The following NOL4 variants were observed in gnomAD, a reference collection of about 807,000 sequenced individuals.
NOL4 encodes nucleolar protein 4.
Under a neutral mutation model 75.9 loss-of-function variants are expected in NOL4, and 17 were observed. The observed-to-expected ratio is 0.22, with a 90% CI of 0.15 to 0.34. The LOEUF (loss-of-function observed/expected upper bound fraction) is 0.34, where lower values mean the gene tolerates loss of function less well. NOL4 is among the 10% of genes least tolerant of loss of function. NOL4 has a pLI of 1.00. For synonymous variants in NOL4, 292 were observed against 289.9 expected, an observed-to-expected ratio of 1.01 and a Z score of -0.07; for missense variants, 614 against 793.5, an observed-to-expected ratio of 0.77 and a Z score of 2.72.
chr18:33,985,756 A>G (rs1452329433), intron 6 of NOL4, among the ~76,000 whole-genome samples: 2 of 152,156 alleles, frequency 1.3e-5, no homozygotes, highest in Non-Finnish European at 2.9e-5. Context: ...AGTTTTATCC[A>G]TAATCTATCT....
intron 5 of NOL4, among the ~76,000 whole-genome samples, chr18:34,038,074 G>A (rs2075988356): frequency 6.6e-6 from 1 of 151,932 alleles, no homozygotes; most frequent in Non-Finnish European, 1.5e-5. Context: ...TTAAAAATTC[G>A]GCAAAGGACA....
intron 9 of NOL4, among the ~76,000 whole-genome samples, chr18:33,931,045 G>A (rs1391313585): frequency 6.6e-6 from 1 of 151,818 alleles, no homozygotes; most frequent in Admixed American, 6.6e-5. Flanking sequence ...CTAGGCTCTG[G>A]CAAATTAAAA....
At chr18:34,050,850 T>C (rs1336300769) in intron 5 of NOL4, among the ~76,000 whole-genome samples, 1 of 151,998 alleles carries the variant, frequency 6.6e-6, no homozygotes, top group East Asian at 1.9e-4. Context: ...AAGACTGAAA[T>C]ATTGGAGCCT....
At chr18:34,201,973 G>A (rs1330233854) in intron 1 of NOL4, among the ~76,000 whole-genome samples, 1 of 151,428 alleles carries the variant, frequency 6.6e-6, no homozygotes, top group Non-Finnish European at 1.5e-5. Flanking sequence ...ACCTAGATTT[G>A]TGTAAATATT....
intron 1 of NOL4, among the ~76,000 whole-genome samples, chr18:34,179,075 C>T (rs1419999608): frequency 6.6e-6 from 1 of 151,396 alleles, no homozygotes; most frequent in Non-Finnish European, 1.5e-5. Context: ...AATTAAACAA[C>T]GTGCTCTCAA....
chr18:34,126,994 A>G (rs1439661006), intron 2 of NOL4, among the ~76,000 whole-genome samples: 2 of 151,942 alleles, frequency 1.3e-5, no homozygotes, highest in Non-Finnish European at 2.9e-5. Context: ...TACAAATGCA[A>G]TAAAGAGACC....
At chr18:34,162,939 C>T (rs551650956) in intron 1 of NOL4, among the ~76,000 whole-genome samples, 21 of 152,234 alleles carry the variant, frequency 1.4e-4, no homozygotes, top group South Asian at 2.1e-4. Context: ...CTTCAACATA[C>T]GCAAATCAAT....
At position 33,852,197 on chromosome 18, in the gene NOL4, A is replaced by G. The variant is rs1200287707; in HGVS notation, c.*645T>C. On this transcript the variant is annotated 3_prime_UTR_variant, in exon 11 of 11. Coordinates refer to ENST00000261592, the MANE Select transcript of NOL4 (RefSeq NM_003787.5). ...AAGGGTTTTTCCAGCATCAAGTGTT[A>G]TTTTTGTAGAAAGAATTTGGAAAGA... 1 of 152,462 alleles carries G rather than the reference A, an allele frequency of 6.6e-6. No individual in the cohort carries two copies. The highest frequency in any genetic ancestry group is 1.5e-5 in the Non-Finnish European group (1 of 67,988). The allele number at this position is 152,462 out of a possible 1,614,324, so 9.4% of individuals were successfully genotyped here.
intron 2 of NOL4, among the ~76,000 whole-genome samples, chr18:34,110,450 C>T (rs4578740): frequency 0.52 from 78,583 of 151,894 alleles, 20,568 homozygotes; most frequent in Admixed American, 0.56. Flanking sequence ...ATCATCTCAA[C>T]AGATTCAGAA....
intron 9 of NOL4, among the ~76,000 whole-genome samples, chr18:33,885,222 A>G (rs2064564425): frequency 6.6e-6 from 1 of 152,156 alleles, no homozygotes; most frequent in Admixed American, 6.6e-5. Context: ...AAATTGGTGT[A>G]TGAACTAGAA....
chr18:34,116,318 G>A (rs2079855710), intron 2 of NOL4, among the ~76,000 whole-genome samples: 1 of 152,064 alleles, frequency 6.6e-6, no homozygotes, highest in South Asian at 2.1e-4. Flanking sequence ...AAACTCTTGG[G>A]AATACCTTAC....
intron 1 of NOL4, among the ~76,000 whole-genome samples, chr18:34,167,504 A>C (rs2032519729): frequency 6.8e-6 from 1 of 147,464 alleles, no homozygotes; most frequent in Non-Finnish European, 1.5e-5. Context: ...TTCTAAAATG[A>C]AAAATCTGAG....
intron 6 of NOL4, among the ~76,000 whole-genome samples, chr18:33,974,301 T>G (rs1446520320): frequency 1.3e-5 from 2 of 152,322 alleles, no homozygotes; most frequent in African/African-American, 4.8e-5. Context: ...GGACTTGCTC[T>G]GGAATAGGCT....
intron 9 of NOL4, among the ~76,000 whole-genome samples, chr18:33,912,897 A>T (rs1280843318): frequency 6.6e-6 from 1 of 152,142 alleles, no homozygotes; most frequent in Non-Finnish European, 1.5e-5. Context: ...TTCCCTGCTA[A>T]CATGAAAGCT....
intron 6 of NOL4, among the ~76,000 whole-genome samples, chr18:33,960,214 A>G (rs1301910128): frequency 6.6e-6 from 1 of 152,040 alleles, no homozygotes; most frequent in African/African-American, 2.4e-5. Flanking sequence ...TTAGTGCTTC[A>G]TACACAGTTT....
chr18:34,042,318 C>T (rs186464360), intron 5 of NOL4, among the ~76,000 whole-genome samples: 1 of 152,068 alleles, frequency 6.6e-6, no homozygotes, highest in Admixed American at 6.6e-5. Context: ...TCCCTCCCAC[C>T]AAACCCCTTT....
Position 34,046,687 on chromosome 18 carries a change from TTAGC to T in NOL4, c.773-27090_773-27087del, listed in dbSNP as rs566059271. ...TCAATAAATGGTGCCTATTTTTTTC[TTAGC>T]TATTCTTTTTCTTTCCTAGTCCTAT... On this transcript the variant is annotated intron_variant, in intron 5 of 10. Coordinates refer to ENST00000261592, the MANE Select transcript of NOL4 (RefSeq NM_003787.5). Among the ~76,000 whole-genome samples, 350 of 143,450 alleles carry T rather than the reference TTAGC, an allele frequency of 2.4e-3. 2 individuals carry two copies. The highest frequency in any genetic ancestry group is 8.4e-3 in the African/African-American group (328 of 39,200). 94.1% of individuals were successfully genotyped at this position (143,450 alleles called of 152,430 possible). A position where few individuals can be genotyped will look rare whatever the true frequency, so the allele number is the denominator to read the frequency against.
intron 6 of NOL4, among the ~76,000 whole-genome samples, chr18:33,983,404 ATAG>A (rs1178548601): frequency 2.0e-5 from 3 of 152,052 alleles, no homozygotes; most frequent in Non-Finnish European, 4.4e-5. Context: ...AGGGATGTTG[ATAG>A]TAGAAGAGTT....
At chr18:33,881,997 G>C (rs1250471507) in intron 10 of NOL4, among the ~76,000 whole-genome samples, 1 of 152,156 alleles carries the variant, frequency 6.6e-6, no homozygotes, top group African/African-American at 2.4e-5. Context: ...AAACTGGCTA[G>C]CCATATGTAG....
Sources: allele counts gnomAD v4.1 joint callset (sites outside exome capture counted in the v4.1 genomes callset), GRCh38; gene constraint gnomAD v4.1.1; transcripts MANE v1.5; gene names NCBI Gene and HGNC (gene_info 2026-07-23, HGNC 2026-07-21).